Variants in TC2N observed in about 807,000 individuals in gnomAD.
The protein encoded by TC2N is tandem C2 domains, nuclear.
Under a neutral mutation model 61.9 loss-of-function variants are expected in TC2N, and 51 were observed. That is an observed-to-expected ratio of 0.82 (90% CI 0.66 to 1.04). The LOEUF (loss-of-function observed/expected upper bound fraction) is 1.04, where lower values mean the gene tolerates loss of function less well. Ranked by LOEUF, TC2N falls within the 50% of genes least tolerant of loss-of-function variation. The probability of loss-of-function intolerance (pLI) is 0.00; values close to 1 mark genes in which losing one functional copy is unlikely to be tolerated. For synonymous variants in TC2N, 204 were observed against 192.6 expected (o/e 1.06, Z -0.49); for missense variants, 556 against 566.7 (o/e 0.98, Z 0.19).
intron 1 of TC2N, among the ~76,000 whole-genome samples, chr14:91,828,668 A>C (rs1233894492): frequency 6.6e-6 from 1 of 152,044 alleles, no homozygotes; most frequent in Non-Finnish European, 1.5e-5. Context: ...TGATGCTGAA[A>C]CCAGGTCTCT....
At chr14:91,823,940 T>C (rs1887379316) in intron 1 of TC2N, among the ~76,000 whole-genome samples, 1 of 152,214 alleles carries the variant, frequency 6.6e-6, no homozygotes. Context: ...ATTGTGATGA[T>C]CAACCAAAGT....
intron 1 of TC2N, among the ~76,000 whole-genome samples, chr14:91,832,364 T>G (rs570234393): frequency 1.3e-4 from 18 of 135,432 alleles, no homozygotes; most frequent in Non-Finnish European, 2.6e-4. Flanking sequence ...CACTCCAGCA[T>G]GGGCAATAAG....
Position 91,832,809 on chromosome 14 carries a change from TA to T in TC2N, c.-56-18985del, listed in dbSNP as rs912548633. Among the ~76,000 whole-genome samples the T allele has an allele frequency of 1.3e-4, 19 of 149,496 alleles. No individual in the cohort carries two copies. In the East Asian group the frequency reaches 1.4e-3, roughly 11 times the overall value. ...AAAATTAAATTTAAAAGCAAAAAAATAAAAAAAAAGACTGAAAACATCCTAA... is the reference window on the plus strand; with the variant it reads ...AAAATTAAATTTAAAAGCAAAAAAATAAAAAAAAGACTGAAAACATCCTAA... On this transcript the variant is annotated intron_variant, in intron 1 of 11. Coordinates refer to ENST00000435962, the MANE Select transcript of TC2N (RefSeq NM_001128596.3).
At position 91,816,075 on chromosome 14, in the gene TC2N, T is replaced by G. The variant is rs1192397423; in HGVS notation, c.-56-2250A>C. Among the ~76,000 whole-genome samples, 4 of 151,796 alleles carry G rather than the reference T, an allele frequency of 2.6e-5. No individual in the cohort carries two copies. In the East Asian group the frequency reaches 5.8e-4, roughly 22 times the overall value. On this transcript the variant is annotated intron_variant, in intron 1 of 11. Transcript: ENST00000435962. ...TTTCATCTTTTGTTATTAGAAGTAG[T>G]GCCACAGTAGCTTTGTGCACACATA... is the stretch of plus-strand genomic sequence containing the variant.
chr14:91,848,802 C>A (rs556124978), intron 1 of TC2N, among the ~76,000 whole-genome samples: 4 of 152,242 alleles, frequency 2.6e-5, no homozygotes, highest in African/African-American at 7.2e-5. Flanking sequence ...TACAGCCATG[C>A]CTGAAAATTC....
chr14:91,786,855 T>C (rs941195703), intron 10 of TC2N, among the ~76,000 whole-genome samples: 3 of 152,232 alleles, frequency 2.0e-5, no homozygotes, highest in Non-Finnish European at 4.4e-5. Context: ...TCCATATCTG[T>C]CACCTTCAAC....
chr14:91,785,102 T>C, intron 11 of TC2N, 60 bp downstream of exon 11: 1 of 1,187,996 alleles, frequency 8.4e-7, no homozygotes, highest in Admixed American at 1.9e-5. Context: ...GTATTCCCTT[T>C]GTTAACTGAC....
intron 9 of TC2N, among the ~76,000 whole-genome samples, chr14:91,790,476 C>T (rs1457198285): frequency 6.6e-6 from 1 of 152,148 alleles, no homozygotes; most frequent in Non-Finnish European, 1.5e-5. Context: ...TCCAGCATAG[C>T]CCAAACACTC....
intron 11 of TC2N, among the ~76,000 whole-genome samples, chr14:91,784,006 G>T (rs1000259271): frequency 1.3e-5 from 2 of 151,984 alleles, no homozygotes; most frequent in South Asian, 2.1e-4. Flanking sequence ...ACAGACATTA[G>T]AGTACTTTCG....
At chr14:91,851,916 G>T (rs1430949532) in intron 1 of TC2N, among the ~76,000 whole-genome samples, 3 of 152,198 alleles carry the variant, frequency 2.0e-5, no homozygotes, top group African/African-American at 7.2e-5. Context: ...TAAAGGTTTA[G>T]TGCTTCAAAA....
chr14:91,789,977 A>ATGGTAGAGTTAAAAGAGCTGGGTT (rs1206081725), intron 9 of TC2N, among the ~76,000 whole-genome samples: 2 of 152,184 alleles, frequency 1.3e-5, no homozygotes, highest in Non-Finnish European at 2.9e-5. Context: ...GGGGCAATAC[A>ATGGTAGAGTTAAAAGAGCTGGGTT]TGGTAGAGTT....
At chr14:91,858,376 G>A (rs1888527084) in intron 1 of TC2N, among the ~76,000 whole-genome samples, 1 of 151,984 alleles carries the variant, frequency 6.6e-6, no homozygotes, top group Non-Finnish European at 1.5e-5. Context: ...AAGGATCTGA[G>A]GCTCAGAGAG....
intron 1 of TC2N, among the ~76,000 whole-genome samples, chr14:91,821,749 A>G (rs539252699): frequency 6.6e-6 from 1 of 152,256 alleles, no homozygotes; most frequent in East Asian, 1.9e-4. Context: ...CATATCACAC[A>G]TCCAATAAAA....
At chr14:91,804,342 T>A (rs1467088966) in intron 3 of TC2N, among the ~76,000 whole-genome samples, 1 of 152,140 alleles carries the variant, frequency 6.6e-6, no homozygotes, top group African/African-American at 2.4e-5. Context: ...TCTGAACATA[T>A]ACACAACTGA....
chr14:91,808,999 AATTG>A (rs1170941575), intron 3 of TC2N, among the ~76,000 whole-genome samples: 1 of 152,238 alleles, frequency 6.6e-6, no homozygotes, highest in African/African-American at 2.4e-5. Context: ...GAGAAAGATC[AATTG>A]ATTGGGTATT....
intron 6 of TC2N, 40 bp from the exon 7 acceptor site, chr14:91,798,439 A>G: frequency 2.7e-6 from 3 of 1,092,126 alleles, no homozygotes; most frequent in Non-Finnish European, 4.1e-6. Flanking sequence ...AATGCCATGC[A>G]ATCCTTCTAA....
At position 91,837,273 on chromosome 14, in the gene TC2N, C is replaced by T. The variant is rs546514281; in HGVS notation, c.-56-23448G>A. On this transcript the variant is annotated intron_variant, in intron 1 of 11. Coordinates refer to ENST00000435962, the MANE Select transcript of TC2N (RefSeq NM_001128596.3). This position sits in a 1 kb window ranked among gnomAD's most constrained non-coding sequence, Gnocchi z 4.2. ...TTCTGTCGCCCAGGCTGGAGTGTAG[C>T]GGTGCGCCCGTGGCTCAGTGCAGCC... Among the ~76,000 whole-genome samples, 1 of 152,328 alleles carries T rather than the reference C, an allele frequency of 6.6e-6. No individual in the cohort carries two copies. Among genetic ancestry groups the T allele is most frequent in the Middle Eastern group, 3.4e-3 (1 of 294 alleles).
intron 1 of TC2N, among the ~76,000 whole-genome samples, chr14:91,834,029 G>T (rs1887900668): frequency 6.6e-6 from 1 of 152,126 alleles, no homozygotes; most frequent in African/African-American, 2.4e-5. Context: ...TTGAAGCAAA[G>T]GCCCTAAATG....
chr14:91,838,367 A>G (rs1888104865), intron 1 of TC2N, among the ~76,000 whole-genome samples: 1 of 152,016 alleles, frequency 6.6e-6, no homozygotes, highest in Admixed American at 6.5e-5. Flanking sequence ...GCTGGTCTGA[A>G]ACTCCTGGCT....
Sources: allele counts gnomAD v4.1 joint callset (sites outside exome capture counted in the v4.1 genomes callset), GRCh38; gene constraint gnomAD v4.1.1; non-coding constraint Gnocchi (gnomAD v3.1); transcripts MANE v1.5; gene names NCBI Gene and HGNC (gene_info 2026-07-23, HGNC 2026-07-21).